The following PAK2 variants were observed in gnomAD, a reference collection of about 807,000 sequenced individuals.
PAK2 encodes the protein p21 (RAC1) activated kinase 2.
In PAK2, 21 loss-of-function variants were observed where a neutral mutation model predicts 65.9. The observed-to-expected ratio is 0.32, with a 90% CI of 0.23 to 0.46. The LOEUF is 0.46. Among genes scored for constraint, PAK2 ranks in the 20% least tolerant of loss-of-function variants. The pLI, the probability that PAK2 is intolerant of heterozygous loss-of-function variation, is 1.00. For synonymous variants in PAK2, 204 were observed against 219.7 expected (o/e 0.93, Z 0.63); for missense variants, 324 against 642.6 (o/e 0.50, Z 5.36).
At chr3:196,780,862 C>A (rs753793623) in intron 1 of PAK2, among the ~76,000 whole-genome samples, 5 of 152,172 alleles carry the variant, frequency 3.3e-5, no homozygotes, top group Non-Finnish European at 5.9e-5. Context: ...AATCTCGGCT[C>A]ACTGCAGGCT....
intron 1 of PAK2, among the ~76,000 whole-genome samples, chr3:196,759,120 T>G (rs1412084562): frequency 2.6e-5 from 4 of 152,228 alleles, no homozygotes; most frequent in African/African-American, 9.7e-5. Context: ...GAGGCATGGC[T>G]GTGAGGTCGT....
chr3:196,743,455 A>G (rs1461667016), intron 1 of PAK2, among the ~76,000 whole-genome samples: 1 of 152,242 alleles, frequency 6.6e-6, no homozygotes, highest in African/African-American at 2.4e-5. Flanking sequence ...AAATGAGGGA[A>G]TGCAGGTAAA....
At chr3:196,753,550 C>G (rs1713675824) in intron 1 of PAK2, among the ~76,000 whole-genome samples, 1 of 152,176 alleles carries the variant, frequency 6.6e-6, no homozygotes, top group South Asian at 2.1e-4. Flanking sequence ...TTATTGAAAC[C>G]TTGTTTATGT....
chr3:196,798,778 A>G (rs776385156), intron 2 of PAK2, among the ~76,000 whole-genome samples: 1 of 152,236 alleles, frequency 6.6e-6, no homozygotes, highest in Non-Finnish European at 1.5e-5. Flanking sequence ...TTAACACAAT[A>G]GAAAGGATGA....
intron 1 of PAK2, among the ~76,000 whole-genome samples, chr3:196,771,859 C>T (rs1213615533): frequency 2.6e-5 from 4 of 152,070 alleles, no homozygotes; most frequent in African/African-American, 9.7e-5. Context: ...TGCCCGGCCT[C>T]CTCTTTCATA....
At chr3:196,821,047 G>A (rs559090883) in intron 13 of PAK2, among the ~76,000 whole-genome samples, 48 of 152,216 alleles carry the variant, frequency 3.2e-4, no homozygotes, top group Non-Finnish European at 6.0e-4. Context: ...TCCATGTTGG[G>A]TCAGGCTGGT....
chr3:196,793,707 TGAAACAAGAAAAGAGTTCGCA>T (rs1240809373), intron 2 of PAK2, among the ~76,000 whole-genome samples: 3 of 152,018 alleles, frequency 2.0e-5, no homozygotes, highest in Non-Finnish European at 4.4e-5. Flanking sequence ...GAGGAATCCA[TGAAACAAGAAAAGAGTTCGCA>T]GAGAAAGAAT....
At chr3:196,744,288 C>T (rs1458179297) in intron 1 of PAK2, among the ~76,000 whole-genome samples, 1 of 152,118 alleles carries the variant, frequency 6.6e-6, no homozygotes, top group Non-Finnish European at 1.5e-5. Flanking sequence ...ACAAAATTAC[C>T]TTAGTCTCAG....
At chr3:196,811,506 C>G (rs1266820356) in intron 8 of PAK2, among the ~76,000 whole-genome samples, 2 of 148,158 alleles carry the variant, frequency 1.3e-5, no homozygotes, top group Admixed American at 6.8e-5. Flanking sequence ...CTCAGCCTCC[C>G]AAAGTGTTGG....
chr3:196,763,439 A>G lies in PAK2; in HGVS notation c.-21-19187A>G, dbSNP rs533169324. On this transcript the variant is annotated intron_variant, in intron 1 of 14. Transcript: ENST00000327134. ...GTCTCTCCAGCGCCCTATATCGACA[A>G]AGCTTAGCATCGTGTCCCGGCAAAG... Among the ~76,000 whole-genome samples, 31 of 152,194 alleles carry G rather than the reference A, an allele frequency of 2.0e-4. No individual in the cohort carries two copies. The South Asian group carries it at 6.2e-3, about 31-fold the overall frequency.
At chr3:196,806,538 T>C (rs918421689) in intron 5 of PAK2, 41 bp from the exon 6 acceptor site, 6 of 1,221,646 alleles carry the variant, frequency 4.9e-6, no homozygotes, top group African/African-American at 1.5e-5. Context: ...CATTTAAGCC[T>C]ATTGGACTTG....
At chr3:196,776,570 C>T (rs909996582) in intron 1 of PAK2, among the ~76,000 whole-genome samples, 2 of 152,116 alleles carry the variant, frequency 1.3e-5, no homozygotes, top group Admixed American at 1.3e-4. Context: ...AACTTGTATC[C>T]ACTATGTTGA....
At chr3:196,798,609 G>T (rs1715329312) in intron 2 of PAK2, among the ~76,000 whole-genome samples, 1 of 152,160 alleles carries the variant, frequency 6.6e-6, no homozygotes, top group South Asian at 2.1e-4. Context: ...CTCCCAAAGT[G>T]CTAGGATTAT....
At chr3:196,742,549 TA>T (rs1304389802) in intron 1 of PAK2, among the ~76,000 whole-genome samples, 1 of 152,198 alleles carries the variant, frequency 6.6e-6, no homozygotes, top group Non-Finnish European at 1.5e-5. Flanking sequence ...CAAAATCGAT[TA>T]TTATTATAAT....
intron 8 of PAK2, among the ~76,000 whole-genome samples, chr3:196,811,819 T>C (rs536882586): frequency 1.3e-5 from 2 of 152,218 alleles, no homozygotes; most frequent in South Asian, 2.1e-4. Flanking sequence ...ATGAAAATGA[T>C]GAACACCAAA....
At position 196,828,500 on chromosome 3, in the gene PAK2, G is replaced by T. The variant is rs1711958691; in HGVS notation, c.*95G>T. 2 of 789,332 alleles carry T rather than the reference G, an allele frequency of 2.5e-6. No homozygotes were observed. The highest frequency in any genetic ancestry group is 1.7e-5 in the African/African-American group (1 of 57,442). 48.9% of individuals were successfully genotyped at this position (789,332 alleles called of 1,614,324 possible). On this transcript the variant is annotated 3_prime_UTR_variant, in exon 15 of 15. Coordinates refer to ENST00000327134, the MANE Select transcript of PAK2 (RefSeq NM_002577.4). ...TACTCTTTTTGGGGTTTAAAGAAATGGTCTGCATAACCTGAATGAAAGAAG... is the reference window on the plus strand; with the variant it reads ...TACTCTTTTTGGGGTTTAAAGAAATTGTCTGCATAACCTGAATGAAAGAAG...
chr3:196,828,607 T>A lies in PAK2; in HGVS notation c.*202T>A. On this transcript the variant is annotated 3_prime_UTR_variant, in exon 15 of 15. Transcript: ENST00000327134. Reference sequence around the variant, plus strand: ...TTTTATATGAACCCCTTCTTTAGGGTCCAGAAGGAATTGTGGACTGAATCA... The same window carrying A: ...TTTTATATGAACCCCTTCTTTAGGGACCAGAAGGAATTGTGGACTGAATCA... The A allele has an allele frequency of 1.9e-6, 1 of 534,808 alleles. No homozygotes were observed. Among genetic ancestry groups the A allele is most frequent in the Non-Finnish European group, 3.3e-6 (1 of 305,268 alleles). The allele number at this position is 534,808 out of a possible 1,614,324, so 33.1% of individuals were successfully genotyped here.
At chr3:196,822,876 A>G (rs1473603705) in intron 13 of PAK2, among the ~76,000 whole-genome samples, 1 of 152,070 alleles carries the variant, frequency 6.6e-6, no homozygotes, top group Non-Finnish European at 1.5e-5. Context: ...TTCCTTGTGT[A>G]TTGAGAGATG....
At chr3:196,750,196 G>T (rs1373973941) in intron 1 of PAK2, among the ~76,000 whole-genome samples, 1 of 151,766 alleles carries the variant, frequency 6.6e-6, no homozygotes, top group Non-Finnish European at 1.5e-5. Flanking sequence ...CACCATATTG[G>T]CCAGGTTGGT....
Sources: allele counts gnomAD v4.1 joint callset (sites outside exome capture counted in the v4.1 genomes callset), GRCh38; gene constraint gnomAD v4.1.1; transcripts MANE v1.5; gene names NCBI Gene and HGNC (gene_info 2026-07-23, HGNC 2026-07-21).